DROSHA: variants seen among roughly 807,000 people sequenced by gnomAD.
DROSHA encodes the protein drosha ribonuclease III.
In DROSHA, 56 loss-of-function variants were observed where a neutral mutation model predicts 181.9. That is an observed-to-expected ratio of 0.31 (90% CI 0.25 to 0.38). The LOEUF is 0.38. DROSHA is among the 10% of genes least tolerant of loss of function. The probability of loss-of-function intolerance (pLI) is 1.00; values close to 1 mark genes in which losing one functional copy is unlikely to be tolerated. For missense variants in DROSHA, 1,218 were observed against 1,743.5 expected, an observed-to-expected ratio of 0.70 and a Z score of 5.37; for synonymous variants, 524 against 591.2, an observed-to-expected ratio of 0.89 and a Z score of 1.65.
chr5:31,529,553 G>A (rs1740983479), intron 3 of DROSHA, among the ~76,000 whole-genome samples: 1 of 152,004 alleles, frequency 6.6e-6, no homozygotes, highest in Non-Finnish European at 1.5e-5. Flanking sequence ...GGCTAACACA[G>A]TGAAATCCTG....
intron 20 of DROSHA, 143 bp downstream of exon 20, chr5:31,464,093 G>C (rs1748744292): frequency 1.4e-6 from 1 of 738,020 alleles, no homozygotes; most frequent in Non-Finnish European, 2.2e-6. Flanking sequence ...CCAAATAATA[G>C]AAAACAATTT....
At chr5:31,431,513 A>G (rs1744182707) in intron 26 of DROSHA, 63 bp downstream of exon 26, 2 of 1,548,058 alleles carry the variant, frequency 1.3e-6, no homozygotes, top group Non-Finnish European at 1.8e-6. Context: ...ACTAAATTTT[A>G]TGTGCTCTCC....
chr5:31,507,458 CAA>C (rs74582937), intron 10 of DROSHA, among the ~76,000 whole-genome samples: 4 of 122,788 alleles, frequency 3.3e-5, no homozygotes, highest in African/African-American at 6.3e-5. Context: ...AACTCTGTCT[CAA>C]AAAAAAAAAA....
chr5:31,515,292 T>C (rs928444346), intron 7 of DROSHA, 73 bp from the exon 8 acceptor site: 2 of 1,481,174 alleles, frequency 1.4e-6, no homozygotes, highest in African/African-American at 1.4e-5. Flanking sequence ...ATTTCACCTA[T>C]TTGGTGCATT....
At chr5:31,417,821 C>T (rs946739236) in intron 30 of DROSHA, among the ~76,000 whole-genome samples, 3 of 152,012 alleles carry the variant, frequency 2.0e-5, no homozygotes, top group East Asian at 1.9e-4. Flanking sequence ...GAAAGGCCAG[C>T]GTAGATTTGT....
chr5:31,423,478 G>C (rs1373260093), intron 28 of DROSHA, among the ~76,000 whole-genome samples: 1 of 152,080 alleles, frequency 6.6e-6, no homozygotes, highest in East Asian at 1.9e-4. Context: ...GTTTTCTAGG[G>C]ACCAACTTAT....
intron 12 of DROSHA, 52 bp downstream of exon 12, chr5:31,495,234 T>C: frequency 6.5e-7 from 1 of 1,544,670 alleles, no homozygotes; most frequent in Non-Finnish European, 8.9e-7. Flanking sequence ...CTATTCACAT[T>C]TTACTCTATT....
intron 5 of DROSHA, among the ~76,000 whole-genome samples, chr5:31,521,543 AC>A (rs1357064875): frequency 1.3e-5 from 2 of 152,112 alleles, no homozygotes; most frequent in African/African-American, 4.8e-5. Context: ...TAGAGGGAAA[AC>A]TCTAAAGAAC....
At position 31,424,310 on chromosome 5, in the gene DROSHA, C is replaced by T. The variant is rs1433823988; in HGVS notation, c.3261+117G>A. 1.4e-5 allele frequency: 19 copies of T among 1,317,458 alleles called. No individual in the cohort carries two copies. The East Asian group carries it at 3.5e-4, about 25-fold the overall frequency. The allele number at this position is 1,317,458 out of a possible 1,614,324, so 81.6% of individuals were successfully genotyped here. A position where few individuals can be genotyped will look rare whatever the true frequency, so the allele number is the denominator to read the frequency against. Reference sequence around the variant, plus strand: ...CAGGTCTGACACCTCAGCTTAAAGGCACAATGCCACCGAAGAGAATCAAAA... The same window carrying T: ...CAGGTCTGACACCTCAGCTTAAAGGTACAATGCCACCGAAGAGAATCAAAA... On this transcript the variant is annotated intron_variant, in intron 28 of 35. Transcript: ENST00000344624.
chr5:31,505,033 C>T (rs111388441), intron 10 of DROSHA, among the ~76,000 whole-genome samples: 4 of 152,114 alleles, frequency 2.6e-5, no homozygotes, highest in Admixed American at 1.3e-4. Context: ...AGGTGACCTG[C>T]GGATTCAATG....
At chr5:31,429,952 G>T (rs1743969584) in intron 26 of DROSHA, among the ~76,000 whole-genome samples, 1 of 152,148 alleles carries the variant, frequency 6.6e-6, no homozygotes, top group African/African-American at 2.4e-5. Context: ...AAAAAAACCT[G>T]ATAGACAAAA....
chr5:31,531,737 C>T (rs543164030), intron 1 of DROSHA, among the ~76,000 whole-genome samples: 12 of 152,302 alleles, frequency 7.9e-5, no homozygotes, highest in African/African-American at 2.6e-4. Flanking sequence ...CACTCCCCTC[C>T]GAGAGCCGGG....
intron 25 of DROSHA, among the ~76,000 whole-genome samples, chr5:31,433,298 T>G (rs977169149): frequency 5.9e-5 from 9 of 152,146 alleles, no homozygotes; most frequent in Non-Finnish European, 1.3e-4. Context: ...GCAGAAAATA[T>G]CTCTTTTTAA....
intron 6 of DROSHA, among the ~76,000 whole-genome samples, chr5:31,517,507 C>T (rs1027475624): frequency 6.6e-6 from 1 of 152,062 alleles, no homozygotes; most frequent in Non-Finnish European, 1.5e-5. Flanking sequence ...TCACCAATTG[C>T]CAGTTTCTCC....
intron 23 of DROSHA, among the ~76,000 whole-genome samples, chr5:31,445,732 A>C (rs937375471): frequency 6.6e-6 from 1 of 152,214 alleles, no homozygotes; most frequent in African/African-American, 2.4e-5. Context: ...ATTCAACACC[A>C]TTTCATGATA....
chr5:31,466,304 A>G (rs1748999203), intron 18 of DROSHA, 23 bp from the exon 19 acceptor site: 1 of 1,608,464 alleles, frequency 6.2e-7, no homozygotes, highest in Non-Finnish European at 8.5e-7. Flanking sequence ...ACAGGCAAAC[A>G]TCTCAGGTAA....
At chr5:31,525,329 C>CAAAAA (rs34043904) in intron 5 of DROSHA, among the ~76,000 whole-genome samples, 5 of 46,046 alleles carry the variant, frequency 1.1e-4, no homozygotes, top group Admixed American at 7.1e-4. Context: ...GACTTCATCT[C>CAAAAA]AAAAAAAAAA....
At chr5:31,472,019 A>T in intron 17 of DROSHA, 44 bp downstream of exon 17, 1 of 1,505,830 alleles carries the variant, frequency 6.6e-7, no homozygotes, top group Non-Finnish European at 8.9e-7. Context: ...AGATCTGGAA[A>T]AGAAGGTCCT....
intron 27 of DROSHA, among the ~76,000 whole-genome samples, 152 bp downstream of exon 27, chr5:31,429,323 A>G (rs1177386611): frequency 6.6e-6 from 1 of 152,210 alleles, no homozygotes; most frequent in Non-Finnish European, 1.5e-5. Flanking sequence ...CAAGAGTTGA[A>G]TAAGCCATTT....
Sources: gnomAD v4.1 joint callset for allele counts (sites outside exome capture counted in the v4.1 genomes callset) on GRCh38, gnomAD v4.1.1 for gene constraint, MANE v1.5 for transcripts, NCBI Gene and HGNC (gene_info 2026-07-23, HGNC 2026-07-21) for gene names.